LRRFIP1: variants seen among roughly 807,000 people sequenced by gnomAD.
The protein encoded by LRRFIP1 is LRR binding FLII interacting protein 1.
LRRFIP1 carries 62 observed loss-of-function variants against 104.4 expected under a neutral mutation model. The observed-to-expected ratio is 0.59, with a 90% CI of 0.48 to 0.73. The LOEUF (loss-of-function observed/expected upper bound fraction) is 0.73. Among genes scored for constraint, LRRFIP1 ranks in the 30% least tolerant of loss-of-function variants. The pLI is 0.00. For synonymous variants in LRRFIP1, 300 were observed against 299.0 expected (o/e 1.00, Z -0.03); for missense variants, 796 against 824.5 (o/e 0.97, Z 0.42).
chr2:237,652,230 GA>G (rs2086058915), intron 1 of LRRFIP1, among the ~76,000 whole-genome samples: 1 of 152,326 alleles, frequency 6.6e-6, no homozygotes, highest in African/African-American at 2.4e-5. Flanking sequence ...CATCCACAGG[GA>G]AAAATAAACT....
Position 237,703,087 on chromosome 2 carries a change from C to T in LRRFIP1, c.97-5457C>T, listed in dbSNP as rs553540099. Among the ~76,000 whole-genome samples the T allele has an allele frequency of 6.6e-6, 1 of 152,152 alleles. No homozygotes were observed. The highest frequency in any genetic ancestry group is 2.4e-5 in the African/African-American group (1 of 41,434). ...TGGGGACAGACCAGCCCCCATGAAC[C>T]CTAGCGAGGGCCATGCCAAGAAGCC... is the stretch of plus-strand genomic sequence containing the variant. On this transcript the variant is annotated intron_variant, in intron 1 of 23. Transcript: ENST00000308482. This position sits in a 1 kb window ranked among gnomAD's most constrained non-coding sequence, Gnocchi z 4.3.
At chr2:237,632,433 C>G (rs544648494) in intron 1 of LRRFIP1, among the ~76,000 whole-genome samples, 1 of 152,244 alleles carries the variant, frequency 6.6e-6, no homozygotes, top group Non-Finnish European at 1.5e-5. Flanking sequence ...TGGCCTGCCC[C>G]CCTCATGCCC....
intron 1 of LRRFIP1, among the ~76,000 whole-genome samples, chr2:237,637,990 G>A (rs2083339556): frequency 6.6e-6 from 1 of 152,182 alleles, no homozygotes; most frequent in African/African-American, 2.4e-5. Context: ...TAAGACAGCA[G>A]CCCCCAATCT....
chr2:237,760,560 G>T (rs1177672254), intron 19 of LRRFIP1, among the ~76,000 whole-genome samples: 3 of 152,218 alleles, frequency 2.0e-5, no homozygotes, highest in Admixed American at 6.5e-5. Context: ...TACCTATAAA[G>T]TGTGGCTTTT....
At chr2:237,718,633 C>T (rs751987297) in intron 4 of LRRFIP1, among the ~76,000 whole-genome samples, 1 of 152,172 alleles carries the variant, frequency 6.6e-6, no homozygotes, top group East Asian at 1.9e-4. Context: ...TGCCTGGCCT[C>T]GTGGACTTCA....
intron 1 of LRRFIP1, among the ~76,000 whole-genome samples, chr2:237,682,684 C>T (rs2091963431): frequency 6.6e-6 from 1 of 152,220 alleles, no homozygotes; most frequent in African/African-American, 2.4e-5. Flanking sequence ...CTCAACTCCC[C>T]ACTTCCCACC....
chr2:237,676,462 G>T (rs1467002172), intron 1 of LRRFIP1, among the ~76,000 whole-genome samples: 4 of 152,162 alleles, frequency 2.6e-5, no homozygotes, highest in Non-Finnish European at 1.5e-5. Context: ...AATTGCAAAT[G>T]TGGAGGGCTC....
intron 23 of LRRFIP1, among the ~76,000 whole-genome samples, chr2:237,776,632 A>C (rs1028862372): frequency 3.3e-5 from 5 of 151,588 alleles, no homozygotes; most frequent in African/African-American, 1.2e-4. Flanking sequence ...CTTCTTGATG[A>C]GTTAAACCTT....
At chr2:237,714,706 A>G (rs1035242682) in intron 3 of LRRFIP1, among the ~76,000 whole-genome samples, 16 of 152,250 alleles carry the variant, frequency 1.1e-4, no homozygotes, top group Admixed American at 2.6e-4. Flanking sequence ...AAATCTGAGT[A>G]AAAGGACAGT....
chr2:237,721,611 T>G (rs1198443124), intron 6 of LRRFIP1: 1 of 152,256 alleles, frequency 6.6e-6, no homozygotes, highest in Non-Finnish European at 1.5e-5. Context: ...TTATTAATCC[T>G]TAGGGACCAC....
At chr2:237,759,964 C>T in intron 18 of LRRFIP1, 100 bp from the exon 19 acceptor site, 1 of 1,113,492 alleles carries the variant, frequency 9.0e-7, no homozygotes, top group Non-Finnish European at 1.3e-6. Flanking sequence ...TTACCCTGTA[C>T]TTCAGGAAAA....
chr2:237,646,116 ATATT>A (rs2084874704), intron 1 of LRRFIP1, among the ~76,000 whole-genome samples: 1 of 151,948 alleles, frequency 6.6e-6, no homozygotes, highest in East Asian at 1.9e-4. Flanking sequence ...AATTTTTAAC[ATATT>A]TATTTAAAAC....
rs1016343634 is a variant in LRRFIP1 at position 237,747,913 on chromosome 2, GCAAA to G, written c.634-434_634-431del. Among the ~76,000 whole-genome samples, 9 of 151,740 alleles carry G rather than the reference GCAAA, an allele frequency of 5.9e-5. No homozygotes were observed. The South Asian group carries it at 1.0e-3, about 18-fold the overall frequency. Reference sequence around the variant, plus strand: ...AAAACCCTTCCCCCCACCCAGTCCTGCAAACAAACAAACAAACAAAAAAAGGAGA... The same window carrying G: ...AAAACCCTTCCCCCCACCCAGTCCTGCAAACAAACAAACAAAAAAAGGAGA... On this transcript the variant is annotated intron_variant, in intron 11 of 23. Coordinates refer to ENST00000308482, the MANE Select transcript of LRRFIP1 (RefSeq NM_001137550.2).
chr2:237,772,420 A>G, intron 21 of LRRFIP1: 2 of 510,172 alleles, frequency 3.9e-6, no homozygotes, highest in Non-Finnish European at 7.0e-6. Flanking sequence ...GTGCACCAAG[A>G]TACCACCACA....
At position 237,708,599 on chromosome 2, in the gene LRRFIP1, G is replaced by A. The variant is rs1256067780; in HGVS notation, c.152G>A (p.Arg51His). ...GCCCGCGCGGAGGCTCGCGAGATCC[G>A]CATGAAGGAGCTGGAGCGGCAGCAG... ...RAARAEAREIRMKELERQQKE... is the reference protein window; with the variant it reads ...RAARAEAREIHMKELERQQKE... The change falls in exon 2 of 24, where the codon CGC (arginine) becomes CAC (histidine). Residue 51 changes from arginine (R) to histidine (H), a missense_variant. Arg to His is a conservative substitution (Grantham distance 29). Coordinates refer to ENST00000308482, the MANE Select transcript of LRRFIP1 (RefSeq NM_001137550.2). 1.9e-6 allele frequency: 3 copies of A among 1,601,006 alleles called. No homozygotes were observed. Among genetic ancestry groups the A allele is most frequent in the African/African-American group, 1.3e-5 (1 of 74,828 alleles).
intron 21 of LRRFIP1, 193 bp downstream of exon 21, chr2:237,772,391 A>G (rs1255989296): frequency 1.1e-5 from 6 of 543,022 alleles, no homozygotes; most frequent in East Asian, 3.0e-5. Context: ...CCTATGAAAT[A>G]GAACAGGTAC....
intron 8 of LRRFIP1, chr2:237,729,834 G>A: frequency 1.0e-6 from 1 of 985,354 alleles, no homozygotes; most frequent in Non-Finnish European, 1.2e-6. Context: ...ATCCAGGGAG[G>A]AGAAGTTGGT....
intron 1 of LRRFIP1, among the ~76,000 whole-genome samples, chr2:237,698,119 G>A (rs1368964835): frequency 6.6e-6 from 1 of 152,202 alleles, no homozygotes. Context: ...TGCTATTTTA[G>A]GATGCGAAGG....
At chr2:237,638,520 A>G (rs1453039753) in intron 1 of LRRFIP1, among the ~76,000 whole-genome samples, 2 of 152,146 alleles carry the variant, frequency 1.3e-5, no homozygotes, top group African/African-American at 2.4e-5. Flanking sequence ...CCTCTGCCCT[A>G]AGATATTGCT....
Sources: gnomAD v4.1 joint callset for allele counts (sites outside exome capture counted in the v4.1 genomes callset) on GRCh38, gnomAD v4.1.1 for gene constraint, Gnocchi (gnomAD v3.1) non-coding constraint, MANE v1.5 for transcripts, NCBI Gene and HGNC (gene_info 2026-07-23, HGNC 2026-07-21) for gene names.